RIPOR3: variants seen among roughly 807,000 people sequenced by gnomAD.
The protein encoded by RIPOR3 is family with sequence similarity 65 member C.
Under a neutral mutation model 114.3 loss-of-function variants are expected in RIPOR3, and 95 were observed. The ratio of observed to expected loss-of-function variants is 0.83; its 90% CI spans 0.70 to 0.99. The LOEUF (loss-of-function observed/expected upper bound fraction) is 0.99, where lower values mean the gene tolerates loss of function less well. RIPOR3 is among the 50% of genes least tolerant of loss of function. The pLI is 0.00. For missense variants in RIPOR3, 1,252 were observed against 1,266.9 expected (o/e 0.99, Z 0.18); for synonymous variants, 575 against 543.8 (o/e 1.06, Z -0.80).
At chr20:50,604,805 A>G (rs765571717) in intron 11 of RIPOR3, 31 bp from the exon 12 acceptor site, 414 of 1,600,236 alleles carry the variant, frequency 2.6e-4, no homozygotes, top group Non-Finnish European at 3.4e-4. Flanking sequence ...TCAGGATGCC[A>G]TCGGCACCCA....
intron 1 of RIPOR3, among the ~76,000 whole-genome samples, chr20:50,639,486 A>G (rs1222120886): frequency 2.6e-5 from 4 of 152,078 alleles, no homozygotes; most frequent in Non-Finnish European, 5.9e-5. Flanking sequence ...CACTGTTACC[A>G]TTGTACAGAC....
At chr20:50,637,540 G>A (rs1475531340) in intron 1 of RIPOR3, among the ~76,000 whole-genome samples, 1 of 152,070 alleles carries the variant, frequency 6.6e-6, no homozygotes, top group Non-Finnish European at 1.5e-5. Flanking sequence ...TCGCTCCAGG[G>A]AGCAGGGGGT....
At chr20:50,590,153 C>G in intron 19 of RIPOR3, 1 of 235,002 alleles carries the variant, frequency 4.3e-6, no homozygotes, top group Non-Finnish European at 8.7e-6. Context: ...ACGGGCAAGG[C>G]TGCTGCCTTG....
At chr20:50,686,837 G>A (rs966362476) in intron 1 of RIPOR3, among the ~76,000 whole-genome samples, 3 of 151,986 alleles carry the variant, frequency 2.0e-5, no homozygotes, top group African/African-American at 7.3e-5. Context: ...CTCTTGTATT[G>A]CAGTTGCGTT....
Position 50,620,257 on chromosome 20 carries a change from C to A in RIPOR3, c.123-125G>T, listed in dbSNP as rs1012744883. The A allele has an allele frequency of 1.7e-5, 19 of 1,099,944 alleles. No individual in the cohort carries two copies. In the Admixed American group the frequency reaches 4.1e-4, roughly 23 times the overall value. 68.1% of individuals were successfully genotyped at this position (1,099,944 alleles called of 1,614,324 possible). A position where few individuals can be genotyped will look rare whatever the true frequency, so the allele number is the denominator to read the frequency against. On this transcript the variant is annotated intron_variant, in intron 2 of 21. Coordinates refer to ENST00000327979, the MANE Select transcript of RIPOR3 (RefSeq NM_001290268.2). ...AGTCAGGAGACCCGGCTCAGTCCCA[C>A]CCCCATCACCACCAAGCAGTGTGGT...
intron 21 of RIPOR3, 70 bp from the exon 22 acceptor site, chr20:50,587,402 G>C: frequency 3.0e-6 from 4 of 1,312,482 alleles, no homozygotes; most frequent in Non-Finnish European, 4.4e-6. Context: ...CTGGGCCAGG[G>C]TGGCCCTAGT....
chr20:50,641,626 C>T (rs2085199433), intron 1 of RIPOR3, among the ~76,000 whole-genome samples: 1 of 152,220 alleles, frequency 6.6e-6, no homozygotes, highest in African/African-American at 2.4e-5. Flanking sequence ...GCCCTTGACC[C>T]CTTCCAGCCA....
At chr20:50,650,363 C>T (rs1042730719) in intron 1 of RIPOR3, among the ~76,000 whole-genome samples, 3 of 152,070 alleles carry the variant, frequency 2.0e-5, no homozygotes, top group African/African-American at 4.8e-5. Context: ...AGTGCAGTGG[C>T]GCAATCTCTG....
intron 4 of RIPOR3, among the ~76,000 whole-genome samples, chr20:50,615,518 C>T (rs1303409394): frequency 5.1e-5 from 7 of 137,326 alleles, no homozygotes; most frequent in Admixed American, 2.2e-4. Flanking sequence ...AAGGGAAATC[C>T]TGTCTCAAAA....
At chr20:50,636,787 G>T in intron 1 of RIPOR3, 1 of 985,440 alleles carries the variant, frequency 1.0e-6, no homozygotes, top group South Asian at 4.7e-5. Flanking sequence ...AAGTCTGTCC[G>T]CTCACTGCTG....
chr20:50,623,830 A>G (rs2084516468), intron 2 of RIPOR3, among the ~76,000 whole-genome samples: 4 of 151,958 alleles, frequency 2.6e-5, no homozygotes, highest in African/African-American at 7.3e-5. Context: ...ACCCTAGGAG[A>G]CAGGTATTAT....
At chr20:50,616,614 G>A (rs1410874238) in intron 3 of RIPOR3, among the ~76,000 whole-genome samples, 1 of 152,106 alleles carries the variant, frequency 6.6e-6, no homozygotes, top group Admixed American at 6.5e-5. Context: ...AAAGTGCTGG[G>A]ATTACAGGGG....
chr20:50,678,737 G>A (rs1349463521), intron 1 of RIPOR3, among the ~76,000 whole-genome samples: 4 of 152,106 alleles, frequency 2.6e-5, no homozygotes, highest in Non-Finnish European at 1.5e-5. Flanking sequence ...GTTGACACAG[G>A]ACTTTGCACA....
chr20:50,674,121 A>C (rs1460862143), intron 1 of RIPOR3, among the ~76,000 whole-genome samples: 1 of 152,194 alleles, frequency 6.6e-6, no homozygotes, highest in Non-Finnish European at 1.5e-5. Flanking sequence ...TCTCTGGGTA[A>C]GATGTGTCTG....
chr20:50,689,556 A>T (rs1292024214), intron 1 of RIPOR3, among the ~76,000 whole-genome samples: 1 of 152,176 alleles, frequency 6.6e-6, no homozygotes, highest in Non-Finnish European at 1.5e-5. Context: ...GCGCTCTTCA[A>T]CCAGACTCAT....
intron 1 of RIPOR3, among the ~76,000 whole-genome samples, chr20:50,646,121 A>G (rs1487508948): frequency 6.7e-6 from 1 of 150,164 alleles, no homozygotes; most frequent in East Asian, 2.0e-4. Context: ...AACTTCATGT[A>G]TTTATGTATT....
intron 2 of RIPOR3, among the ~76,000 whole-genome samples, chr20:50,622,401 C>T (rs571994823): frequency 3.7e-4 from 56 of 152,106 alleles, no homozygotes; most frequent in Admixed American, 2.5e-3. Context: ...AGGCTGGTCT[C>T]GAACTCCTGA....
At position 50,609,633 on chromosome 20, in the gene RIPOR3, C is replaced by T. The variant is rs574118141; in HGVS notation, c.516G>A (p.Pro172=). The change falls in exon 7 of 22, where the codon CCG becomes CCA. Residue 172 remains proline, a synonymous_variant. Coordinates refer to ENST00000327979, the MANE Select transcript of RIPOR3 (RefSeq NM_001290268.2). ...SMQRAFARCP[P]SRAARESLQE... is the part of the protein sequence containing the mutation. ...GCAGGCTCTCTCGGGCTGCGCGGCT[C>T]GGGGGGCACCGGGCGAAGGCCCGCT... is the stretch of plus-strand genomic sequence containing the variant. 1.0e-5 allele frequency: 14 copies of T among 1,401,718 alleles called. No homozygotes were observed. Among genetic ancestry groups the T allele is most frequent in the East Asian group, 2.8e-5 (1 of 35,530 alleles). The allele number at this position is 1,401,718 out of a possible 1,614,324, so 86.8% of individuals were successfully genotyped here. A position where few individuals can be genotyped will look rare whatever the true frequency, so the allele number is the denominator to read the frequency against.
chr20:50,680,300 G>A, intron 1 of RIPOR3, among the ~76,000 whole-genome samples: 1 of 152,218 alleles, frequency 6.6e-6, no homozygotes, highest in East Asian at 1.9e-4. Context: ...GTCATGACAA[G>A]GAAAACTAAA....
Sources: gnomAD v4.1 joint callset for allele counts (sites outside exome capture counted in the v4.1 genomes callset) on GRCh38, gnomAD v4.1.1 for gene constraint, MANE v1.5 for transcripts, NCBI Gene and HGNC (gene_info 2026-07-23, HGNC 2026-07-21) for gene names.